Variants in GLT1D1 observed in about 807,000 individuals in gnomAD.
The protein encoded by GLT1D1 is glycosyltransferase 1 domain containing 1.
GLT1D1 carries 21 observed loss-of-function variants against 28.7 expected under a neutral mutation model. That is an observed-to-expected ratio of 0.73 (90% CI 0.52 to 1.05). The LOEUF (loss-of-function observed/expected upper bound fraction) is 1.05, where lower values mean the gene tolerates loss of function less well. Ranked by LOEUF, GLT1D1 falls within the 50% of genes least tolerant of loss-of-function variation. The pLI is 0.00. For synonymous variants in GLT1D1, 147 were observed against 124.8 expected (o/e 1.18, Z -1.19); for missense variants, 343 against 330.6 (o/e 1.04, Z -0.29).
intron 7 of GLT1D1, among the ~76,000 whole-genome samples, chr12:128,966,907 C>T (rs189378026): frequency 6.6e-6 from 1 of 152,170 alleles, no homozygotes; most frequent in African/African-American, 2.4e-5. Context: ...GCTTTCCAAA[C>T]CTACTAAAGA....
intron 7 of GLT1D1, among the ~76,000 whole-genome samples, chr12:128,968,230 C>G (rs950983434): frequency 6.6e-6 from 1 of 151,748 alleles, no homozygotes; most frequent in Non-Finnish European, 1.5e-5. Context: ...CTCCTGACCT[C>G]GTGATCCGCC....
chr12:128,966,013 C>T (rs891727533), intron 7 of GLT1D1, among the ~76,000 whole-genome samples: 22 of 152,208 alleles, frequency 1.4e-4, no homozygotes, highest in African/African-American at 5.3e-4. Flanking sequence ...GATGGGACCT[C>T]CAAAAAGAGG....
chr12:128,862,462 C>T (rs1566080871), intron 1 of GLT1D1, among the ~76,000 whole-genome samples: 1 of 152,048 alleles, frequency 6.6e-6, no homozygotes, highest in Non-Finnish European at 1.5e-5. Flanking sequence ...TTGAGACCAG[C>T]CTGGGCTACA....
rs199567989 is a variant in GLT1D1 at position 128,942,739 on chromosome 12, G to GTTTTTTTTTTTTTTTTTTTTTTT, written c.376-2584_376-2583insTTTTTTTTTTTTTTTTTTTTTTT. 2.9e-5 allele frequency among the ~76,000 whole-genome samples: 3 copies of GTTTTTTTTTTTTTTTTTTTTTTT among 102,482 alleles called. 1 individual carries two copies. The highest frequency in any genetic ancestry group is 1.8e-5 in the Non-Finnish European group (1 of 54,344). The allele number at this position is 102,482 out of a possible 152,430, so 67.2% of individuals were successfully genotyped here. On this transcript the variant is annotated intron_variant, in intron 4 of 7. Coordinates refer to ENST00000281703, the MANE Select transcript of GLT1D1 (RefSeq NM_144669.3). ...CTTTAGATTCCAATTTTCTTTGTTT[G>GTTTTTTTTTTTTTTTTTTTTTTT]TTTGTTTTTGTTTTTTGTTTTTTTT...
At chr12:128,874,478 G>A (rs1377856333) in intron 1 of GLT1D1, among the ~76,000 whole-genome samples, 2 of 130,414 alleles carry the variant, frequency 1.5e-5, no homozygotes, top group Non-Finnish European at 3.2e-5. Flanking sequence ...CACTGTGGCT[G>A]GCTTTTTTTT....
At chr12:128,910,084 A>G (rs1019558655) in intron 4 of GLT1D1, among the ~76,000 whole-genome samples, 2 of 152,218 alleles carry the variant, frequency 1.3e-5, no homozygotes, top group Non-Finnish European at 2.9e-5. Context: ...GACTTCCTTT[A>G]TACTGCAACT....
In GLT1D1 at chr12:128,967,713, C is replaced by G. The variant is rs181483244; in HGVS notation, c.639+10070C>G. ...TCTCACTCTTACTTCGAGTTACGTT[C>G]TACTTACGGATTTGGGGAGGCCACT... On this transcript the variant is annotated intron_variant, in intron 7 of 7. Transcript: ENST00000281703. Among the ~76,000 whole-genome samples the G allele has an allele frequency of 9.8e-4, 150 of 152,354 alleles. 1 individual carries two copies. Among genetic ancestry groups the G allele is most frequent in the African/African-American group, 3.4e-3 (141 of 41,584 alleles).
intron 1 of GLT1D1, among the ~76,000 whole-genome samples, chr12:128,867,951 G>A (rs1168632771): frequency 2.0e-4 from 31 of 152,230 alleles, no homozygotes; most frequent in Admixed American, 2.0e-3. Context: ...CTAACAATAA[G>A]GGCGCTAAGC....
In GLT1D1 at chr12:128,910,216, C is replaced by T. The variant is rs138535893; in HGVS notation, c.375+10929C>T. ...CAGCAGATAAGTCCAGAAATCTTCA[C>T]TTTCAGTCAATTCCTTCTGCTGACA... On this transcript the variant is annotated intron_variant, in intron 4 of 7. Coordinates refer to ENST00000281703, the MANE Select transcript of GLT1D1 (RefSeq NM_144669.3). Among the ~76,000 whole-genome samples the T allele has an allele frequency of 5.0e-4, 74 of 148,334 alleles. No homozygotes were observed. The Middle Eastern group carries it at 0.011, about 21-fold the overall frequency.
Position 128,863,806 on chromosome 12 carries a change from C to T in GLT1D1, c.68+10157C>T, listed in dbSNP as rs1437593962. On this transcript the variant is annotated intron_variant, in intron 1 of 7. Transcript: ENST00000281703. ...TAAAAATACAAAAAAAGTAGCCACA[C>T]GTGGTGGCGGGCACCTGCAATCCCA... 4.6e-5 allele frequency among the ~76,000 whole-genome samples: 7 copies of T among 151,958 alleles called. 1 individual carries two copies. Among genetic ancestry groups the T allele is most frequent in the Non-Finnish European group, 7.4e-5 (5 of 67,988 alleles).
intron 1 of GLT1D1, among the ~76,000 whole-genome samples, chr12:128,862,726 GCTACACA>G (rs1415894526): frequency 3.3e-5 from 5 of 152,168 alleles, no homozygotes; most frequent in Admixed American, 3.3e-4. Context: ...CTGTGTAGGC[GCTACACA>G]CAGAGCCGGC....
chr12:128,927,063 AC>A, intron 4 of GLT1D1, 41 bp from the exon 8 acceptor site: 1 of 1,449,680 alleles, frequency 6.9e-7, no homozygotes, highest in East Asian at 2.5e-5. Flanking sequence ...TGTGACTTAA[AC>A]CCATTTGAAG....
intron 4 of GLT1D1, among the ~76,000 whole-genome samples, chr12:128,937,831 A>C (rs1874719215): frequency 6.6e-6 from 1 of 152,062 alleles, no homozygotes; most frequent in Non-Finnish European, 1.5e-5. Flanking sequence ...CTTCCCTTCC[A>C]CCATGATTGT....
intron 5 of GLT1D1, among the ~76,000 whole-genome samples, chr12:128,946,340 A>C (rs1049794700): frequency 6.6e-6 from 1 of 152,004 alleles, no homozygotes; most frequent in Non-Finnish European, 1.5e-5. Context: ...TTCTATTTCC[A>C]TTCTTTTTTG....
At chr12:128,858,107 T>C (rs1956268513) in intron 1 of GLT1D1, among the ~76,000 whole-genome samples, 1 of 152,202 alleles carries the variant, frequency 6.6e-6, no homozygotes, top group East Asian at 1.9e-4. Context: ...TAAAGCAGTG[T>C]CTGGAACATA....
chr12:128,907,852 T>C (rs1389124941), intron 4 of GLT1D1, among the ~76,000 whole-genome samples: 1 of 152,200 alleles, frequency 6.6e-6, no homozygotes, highest in African/African-American at 2.4e-5. Context: ...TCACAAGTAT[T>C]GTTTGTAATT....
At chr12:128,981,177 C>A (rs1014166272) in intron 7 of GLT1D1, among the ~76,000 whole-genome samples, 10 of 152,182 alleles carry the variant, frequency 6.6e-5, no homozygotes, top group Non-Finnish European at 8.8e-5. Context: ...ACTCATAACC[C>A]CCCTCTCTCT....
At chr12:128,926,525 CT>C in intron 4 of GLT1D1, 71 bp downstream of exon 7, 1 of 763,830 alleles carries the variant, frequency 1.3e-6, no homozygotes, top group Non-Finnish European at 2.2e-6. Flanking sequence ...GCATTTCTCT[CT>C]TCAGGGCCCT....
intron 7 of GLT1D1, among the ~76,000 whole-genome samples, chr12:128,963,068 G>C (rs561677410): frequency 5.9e-5 from 9 of 152,312 alleles, no homozygotes; most frequent in African/African-American, 1.7e-4. Flanking sequence ...GCCAGCCTGT[G>C]ACCTCTGCTC....
Sources: gnomAD v4.1 joint callset for allele counts (sites outside exome capture counted in the v4.1 genomes callset) on GRCh38, gnomAD v4.1.1 for gene constraint, MANE v1.5 for transcripts, NCBI Gene and HGNC (gene_info 2026-07-23, HGNC 2026-07-21) for gene names.